Variants in C4orf36 observed in about 807,000 individuals in gnomAD.
C4orf36 encodes chromosome 4 open reading frame 36.
Under a neutral mutation model 12.2 loss-of-function variants are expected in C4orf36, and 11 were observed. The observed-to-expected ratio is 0.90, with a 90% CI of 0.57 to 1.49. The LOEUF is 1.49. Ranked by LOEUF, C4orf36 falls within the 40% of genes most tolerant of loss-of-function variation. The pLI, the probability that C4orf36 is intolerant of heterozygous loss-of-function variation, is 0.00. For missense variants in C4orf36, 137 were observed against 133.9 expected (o/e 1.02, Z -0.11); for synonymous variants, 54 against 51.3 (o/e 1.05, Z -0.22).
the C4orf36 span, chr4:86,914,778 A>C: frequency 2.2e-6 from 1 of 451,068 alleles, no homozygotes; most frequent in Admixed American, 3.1e-5. Flanking sequence ...TCCAGGCACG[A>C]TAGGTGATTG....
Position 86,876,301 on chromosome 4 carries a change from T to G in C4orf36, c.*145A>C, listed in dbSNP as rs1301520823. ...ATTTTCTCGGTCTCTGGGCGGGCCG[T>G]GGGAGGCTTCCTGAGGTGGGGGCCG... On this transcript the variant is annotated 3_prime_UTR_variant, in exon 5 of 5. Transcript: ENST00000295898. The G allele has an allele frequency of 1.5e-5, 20 of 1,315,148 alleles. No individual in the cohort carries two copies. The East Asian group carries it at 5.0e-4, about 33-fold the overall frequency. 81.5% of individuals were successfully genotyped at this position (1,315,148 alleles called of 1,614,324 possible).
intron 4 of C4orf36, chr4:86,886,683 A>G (rs2149421176): frequency 6.6e-6 from 1 of 152,342 alleles, no homozygotes; most frequent in East Asian, 1.9e-4. Context: ...AACTAGTTCA[A>G]CCATTGTGGA....
the C4orf36 span, among the ~76,000 whole-genome samples, chr4:86,934,051 G>GTT: frequency 6.6e-6 from 1 of 152,176 alleles, no homozygotes; most frequent in Middle Eastern, 3.2e-3. Context: ...ATTAAAAAGA[G>GTT]AAAAGGCAGA....
chr4:86,892,737 G>A (rs1747478621), upstream of C4orf36, among the ~76,000 whole-genome samples: 1 of 152,254 alleles, frequency 6.6e-6, no homozygotes, highest in Admixed American at 6.5e-5. Context: ...CCTGTTGCCA[G>A]CGTTCTCACA....
chr4:86,889,985 G>A (rs1224439087), intron 2 of C4orf36: 2 of 442,184 alleles, frequency 4.5e-6, no homozygotes, highest in Non-Finnish European at 9.0e-6. Flanking sequence ...GAGGACAGGA[G>A]TTTGAGACTA....
In C4orf36 at chr4:86,891,480, A is replaced by G. The variant is rs760142507; in HGVS notation, c.41T>C (p.Ile14Thr). ...CACATTATAACAACTGCCCCGCAAA[A>G]TGGTTTTCACTGTGTTCTTTCTTGG... Reference protein sequence around the residue: ...GVPRKNTVKTILRGSCYNVQE... With the variant: ...GVPRKNTVKTTLRGSCYNVQE... Residue 14 changes from isoleucine (I) to threonine (T), a missense_variant, in exon 2 of 5, where the codon ATT (isoleucine) becomes ACT (threonine). Ile to Thr is a moderately conservative substitution (Grantham distance 89). Transcript: ENST00000295898. The G allele has an allele frequency of 2.7e-5, 43 of 1,613,790 alleles. No homozygotes were observed. The highest frequency in any genetic ancestry group is 3.5e-5 in the Non-Finnish European group (41 of 1,179,998).
chr4:86,882,222 C>T (rs774576402), intron 4 of C4orf36, among the ~76,000 whole-genome samples: 1 of 152,182 alleles, frequency 6.6e-6, no homozygotes, highest in African/African-American at 2.4e-5. Flanking sequence ...ACTCTTCTCT[C>T]AAGAAAATCA....
the C4orf36 span, among the ~76,000 whole-genome samples, chr4:86,918,264 G>A: frequency 6.6e-6 from 1 of 152,180 alleles, no homozygotes; most frequent in Non-Finnish European, 1.5e-5. Context: ...TTAGACCACA[G>A]CAGTGCCAGA....
At chr4:86,913,558 G>A in the C4orf36 span, 1 of 1,062,072 alleles carries the variant, frequency 9.4e-7, no homozygotes, top group Non-Finnish European at 1.4e-6. Context: ...GCGTTGGGCA[G>A]CAGTCATGGC....
chr4:86,927,424 G>A, the C4orf36 span, among the ~76,000 whole-genome samples: 4 of 152,090 alleles, frequency 2.6e-5, no homozygotes, highest in Admixed American at 1.3e-4. Context: ...AAGTAAATAC[G>A]TACAAGTGAA....
chr4:86,922,949 CTTTTT>C, the C4orf36 span, among the ~76,000 whole-genome samples: 3 of 139,586 alleles, frequency 2.1e-5, no homozygotes, highest in Non-Finnish European at 4.7e-5. Flanking sequence ...CTTCTTCTTC[CTTTTT>C]TTTTTTTTTT....
chr4:86,919,504 T>C, the C4orf36 span, among the ~76,000 whole-genome samples: 2 of 151,788 alleles, frequency 1.3e-5, no homozygotes, highest in African/African-American at 4.8e-5. Context: ...TTTGTATTTT[T>C]AGTAGAGATG....
At chr4:86,924,364 T>C in the C4orf36 span, among the ~76,000 whole-genome samples, 4 of 152,222 alleles carry the variant, frequency 2.6e-5, no homozygotes, top group Non-Finnish European at 2.9e-5. Flanking sequence ...CACACCTGGC[T>C]AATTTTTTGT....
chr4:86,892,122 C>G, intron 1 of C4orf36, 61 bp downstream of exon 1: 1 of 985,630 alleles, frequency 1.0e-6, no homozygotes, highest in South Asian at 4.7e-5. Context: ...GGGTGGGGGC[C>G]TCGGCCGCCC....
the C4orf36 span, among the ~76,000 whole-genome samples, chr4:86,912,563 A>G: frequency 1.3e-5 from 2 of 152,188 alleles, no homozygotes; most frequent in Non-Finnish European, 2.9e-5. Context: ...GCCTGCCTAT[A>G]TATCCATGAG....
chr4:86,908,216 C>CAT, the C4orf36 span, among the ~76,000 whole-genome samples: 3 of 106,532 alleles, frequency 2.8e-5, no homozygotes, highest in East Asian at 2.6e-4. Context: ...CACACACACA[C>CAT]ACGTTGCTGG....
upstream of C4orf36, among the ~76,000 whole-genome samples, chr4:86,893,220 G>C (rs1271687117): frequency 6.6e-6 from 1 of 152,220 alleles, no homozygotes; most frequent in African/African-American, 2.4e-5. Context: ...GTTCAGGGTG[G>C]TTAAAGGGCT....
chr4:86,902,535 T>C, the C4orf36 span, among the ~76,000 whole-genome samples: 48 of 151,762 alleles, frequency 3.2e-4, no homozygotes, highest in Admixed American at 5.2e-4. Context: ...TTCAGACTTA[T>C]AGCCTCCAGG....
chr4:86,891,164 G>A (rs1368257978), intron 2 of C4orf36, among the ~76,000 whole-genome samples: 1 of 152,078 alleles, frequency 6.6e-6, no homozygotes, highest in Admixed American at 6.6e-5. Context: ...AAGACTCCGA[G>A]TCTAGCCTTT....
Sources: allele counts gnomAD v4.1 joint callset (sites outside exome capture counted in the v4.1 genomes callset), GRCh38; gene constraint gnomAD v4.1.1; transcripts MANE v1.5; gene names NCBI Gene and HGNC (gene_info 2026-07-23, HGNC 2026-07-21).